PRLR: variants seen among roughly 807,000 people sequenced by gnomAD.
PRLR encodes the protein prolactin receptor, also known as hPRL receptor.
A neutral mutation model predicts 40.2 loss-of-function variants in PRLR; 13 were observed. That is an observed-to-expected ratio of 0.32 (90% confidence interval 0.21 to 0.51). The LOEUF (loss-of-function observed/expected upper bound fraction) is 0.51, where lower values mean the gene tolerates loss of function less well. PRLR is among the 20% of genes least tolerant of loss of function. The pLI is 0.97. For synonymous variants in PRLR, 269 were observed against 278.7 expected (o/e 0.97, Z 0.35); for missense variants, 656 against 747.3 (o/e 0.88, Z 1.42).
chr5:35,151,222 A>G (rs1774333089), intron 1 of PRLR, among the ~76,000 whole-genome samples: 1 of 152,156 alleles, frequency 6.6e-6, no homozygotes, highest in African/African-American at 2.4e-5. Flanking sequence ...GGTGGTTTCT[A>G]AGAGTAGTGT....
intron 1 of PRLR, among the ~76,000 whole-genome samples, chr5:35,160,512 A>C (rs1774643779): frequency 6.6e-6 from 1 of 152,190 alleles, no homozygotes; most frequent in Admixed American, 6.5e-5. Context: ...GCCCCTCCCC[A>C]AAAGTCAACC....
intron 2 of PRLR, among the ~76,000 whole-genome samples, chr5:35,093,231 G>A (rs1215829863): frequency 6.6e-6 from 1 of 152,170 alleles, no homozygotes; most frequent in East Asian, 1.9e-4. Context: ...TCCACATTAG[G>A]AAGGGAATAA....
intron 5 of PRLR, among the ~76,000 whole-genome samples, chr5:35,077,138 T>C (rs898307511): frequency 6.6e-6 from 1 of 152,162 alleles, no homozygotes; most frequent in Non-Finnish European, 1.5e-5. Flanking sequence ...CTGCATCAAC[T>C]AATGAGCAAA....
chr5:35,108,179 C>G (rs901042650), intron 2 of PRLR, among the ~76,000 whole-genome samples: 8 of 152,162 alleles, frequency 5.3e-5, no homozygotes, highest in African/African-American at 1.9e-4. Context: ...AACACCCCTT[C>G]ATGCTAAAAA....
chr5:35,053,172 A>G (rs779062718), downstream of PRLR, among the ~76,000 whole-genome samples: 2 of 152,228 alleles, frequency 1.3e-5, no homozygotes, highest in Non-Finnish European at 2.9e-5. Context: ...TCTATTTAAC[A>G]CTGTCCTGGA....
chr5:35,118,818 C>T (rs1214148384), intron 1 of PRLR, among the ~76,000 whole-genome samples: 1 of 150,896 alleles, frequency 6.6e-6, no homozygotes, highest in African/African-American at 2.4e-5. Context: ...CAGGGTCTTA[C>T]TGTGTCTCCC....
chr5:35,078,582 A>T lies in PRLR; in HGVS notation c.374-5838T>A, dbSNP rs192669015. ...AATTAATAGCCTACCAACCAAAAAA[A>T]AAAAGTCCAGGACCAGACGGATTCA... On this transcript the variant is annotated intron_variant, in intron 5 of 9. Coordinates refer to ENST00000618457, the MANE Select transcript of PRLR (RefSeq NM_000949.7). 5.1e-3 allele frequency among the ~76,000 whole-genome samples: 769 copies of T among 152,272 alleles called. 4 individuals are homozygous for T. Among genetic ancestry groups the T allele is most frequent in the African/African-American group, 0.018 (742 of 41,544 alleles).
intron 1 of PRLR, among the ~76,000 whole-genome samples, chr5:35,144,457 T>C (rs1190501008): frequency 1.3e-5 from 2 of 152,110 alleles, no homozygotes; most frequent in Non-Finnish European, 2.9e-5. Context: ...TAAATTTTAA[T>C]TTAATTTTTT....
intron 1 of PRLR, among the ~76,000 whole-genome samples, chr5:35,213,131 T>C (rs1776210370): frequency 6.6e-6 from 1 of 152,212 alleles, no homozygotes; most frequent in Non-Finnish European, 1.5e-5. Flanking sequence ...TAAAATTCAT[T>C]GCTTCCAAAG....
chr5:35,048,826 A>C, exon 9 of PRLR: 1 of 258,992 alleles, frequency 3.9e-6, no homozygotes, highest in Non-Finnish European at 7.8e-6. Flanking sequence ...CCACTGCTTC[A>C]GAATGGGGGA....
At chr5:35,167,665 G>T (rs191770338) in intron 1 of PRLR, among the ~76,000 whole-genome samples, 3 of 151,926 alleles carry the variant, frequency 2.0e-5, no homozygotes, top group Admixed American at 6.6e-5. Flanking sequence ...GAATTAAAAC[G>T]CATACAGTAG....
chr5:35,091,327 TC>T (rs2112480338), intron 2 of PRLR, among the ~76,000 whole-genome samples: 1 of 152,286 alleles, frequency 6.6e-6, no homozygotes, highest in South Asian at 2.1e-4. Context: ...GGTTAAAGAC[TC>T]CTACTGGGTT....
At chr5:35,207,459 C>T (rs1009373527) in intron 1 of PRLR, among the ~76,000 whole-genome samples, 2 of 151,810 alleles carry the variant, frequency 1.3e-5, no homozygotes, top group Non-Finnish European at 2.9e-5. Context: ...ATATGCAGGA[C>T]CTATATGAGT....
chr5:35,113,740 C>A (rs1416414299), intron 2 of PRLR, among the ~76,000 whole-genome samples: 1 of 152,226 alleles, frequency 6.6e-6, no homozygotes, highest in African/African-American at 2.4e-5. Context: ...AGGAGGACCC[C>A]TGCAGGTACC....
At chr5:35,181,644 T>C (rs966056921) in intron 1 of PRLR, among the ~76,000 whole-genome samples, 6 of 152,232 alleles carry the variant, frequency 3.9e-5, no homozygotes, top group Admixed American at 3.9e-4. Context: ...AAGTAAGGCA[T>C]AAAGAGGAGG....
In PRLR at chr5:35,064,433, A is replaced by G. The variant is rs1275057581; in HGVS notation, c.*656T>C. 6.6e-6 allele frequency: 1 copy of G among 152,500 alleles called. No homozygotes were observed. Among genetic ancestry groups the G allele is most frequent in the Non-Finnish European group, 1.5e-5 (1 of 68,040 alleles). 9.4% of individuals were successfully genotyped at this position (152,500 alleles called of 1,614,324 possible). A position where few individuals can be genotyped will look rare whatever the true frequency, so the allele number is the denominator to read the frequency against. On this transcript the variant is annotated 3_prime_UTR_variant, in exon 10 of 10. Transcript: ENST00000618457. ...AAGAACATTTTTATTTCCAAACTAT[A>G]TTTTATAGAAGCTTTAGAGTAGAAT...
At chr5:35,221,578 G>C (rs1381280029) in intron 1 of PRLR, among the ~76,000 whole-genome samples, 1 of 152,310 alleles carries the variant, frequency 6.6e-6, no homozygotes, top group East Asian at 1.9e-4. Flanking sequence ...TTAAGATTTG[G>C]ATCATAGCTG....
In PRLR at chr5:35,188,508, T is replaced by C. The variant is rs114844388; in HGVS notation, c.-106+41760A>G. Among the ~76,000 whole-genome samples, 1,040 of 152,312 alleles carry C rather than the reference T, an allele frequency of 6.8e-3. 16 individuals carry two copies. Among genetic ancestry groups the C allele is most frequent in the African/African-American group, 0.024 (992 of 41,552 alleles). On this transcript the variant is annotated intron_variant, in intron 1 of 9. Transcript: ENST00000618457. ...TGAGCTCATCAGGACAAGACCTTCA[T>C]TGGTTCCCCTTTAAAAGAAATGGCA...
downstream of PRLR, among the ~76,000 whole-genome samples, chr5:35,052,461 T>C (rs2112324776): frequency 6.6e-6 from 1 of 152,230 alleles, no homozygotes; most frequent in South Asian, 2.1e-4. Context: ...ACTAAGGGTA[T>C]CTGAAAAATT....
Sources: gnomAD v4.1 joint callset for allele counts (sites outside exome capture counted in the v4.1 genomes callset) on GRCh38, gnomAD v4.1.1 for gene constraint, MANE v1.5 for transcripts, NCBI Gene and HGNC (gene_info 2026-07-23, HGNC 2026-07-21) for gene names.